Variants in NDUFA10 observed in about 807,000 individuals in gnomAD.
NDUFA10 encodes NADH:ubiquinone oxidoreductase subunit A10.
NDUFA10 carries 40 observed loss-of-function variants against 47.8 expected under a neutral mutation model. The ratio of observed to expected loss-of-function variants is 0.84; its 90% CI spans 0.65 to 1.09. NDUFA10 has a LOEUF of 1.09. NDUFA10 is among the 50% of genes least tolerant of loss of function. The probability of loss-of-function intolerance (pLI) is 0.00; values close to 1 mark genes in which losing one functional copy is unlikely to be tolerated. For synonymous variants in NDUFA10, 183 were observed against 172.2 expected (o/e 1.06, Z -0.49); for missense variants, 413 against 451.1 (o/e 0.92, Z 0.76).
chr2:239,989,942 A>AAAAG lies in NDUFA10; in HGVS notation c.999+128_999+131dup. On this transcript the variant is annotated intron_variant, in intron 9 of 9. Coordinates refer to ENST00000252711, the MANE Select transcript of NDUFA10 (RefSeq NM_004544.4). ...GGAAAAGGGAGAATTATTTCAATGA[A>AAAAG]AAAGAGGCTCCTTCACTAAAACAAA... The AAAAG allele has an allele frequency of 4.1e-6, 3 of 736,224 alleles. No homozygotes were observed. The South Asian group carries it at 4.4e-5, about 11-fold the overall frequency. 45.6% of individuals were successfully genotyped at this position (736,224 alleles called of 1,614,324 possible). A position where few individuals can be genotyped will look rare whatever the true frequency, so the allele number is the denominator to read the frequency against.
At chr2:239,993,984 T>C (rs4149546) in intron 8 of NDUFA10, among the ~76,000 whole-genome samples, 111,551 of 151,808 alleles carry the variant, frequency 0.73, 41,183 homozygotes, top group African/African-American at 0.79. Flanking sequence ...AGAGGTGAGA[T>C]GCCCCACACA....
chr2:239,953,074 T>A (rs1694583990), downstream of NDUFA10, among the ~76,000 whole-genome samples: 1 of 152,170 alleles, frequency 6.6e-6, no homozygotes, highest in Non-Finnish European at 1.5e-5. Context: ...GACAGCCGCA[T>A]CCTGATCCCC....
rs1259450473 is a variant in NDUFA10, at chr2:239,958,538, C to A, written c.*2580G>T. 6.6e-6 allele frequency: 1 copy of A among 152,226 alleles called. No individual in the cohort carries two copies. The highest frequency in any genetic ancestry group is 1.9e-4 in the East Asian group (1 of 5,186). 9.4% of individuals were successfully genotyped at this position (152,226 alleles called of 1,614,324 possible). A position where few individuals can be genotyped will look rare whatever the true frequency, so the allele number is the denominator to read the frequency against. ...GCCGCCTGTTTCCCTGCTGTTCTTGCCACAACACCTAGGCAGAACATGGAG... is the reference window on the plus strand; with the variant it reads ...GCCGCCTGTTTCCCTGCTGTTCTTGACACAACACCTAGGCAGAACATGGAG... On this transcript the variant is annotated 3_prime_UTR_variant, in exon 10 of 10. Coordinates refer to ENST00000252711, the MANE Select transcript of NDUFA10 (RefSeq NM_004544.4).
intron 4 of NDUFA10, among the ~76,000 whole-genome samples, chr2:239,939,458 G>A (rs561765969): frequency 9.2e-5 from 14 of 152,364 alleles, no homozygotes; most frequent in African/African-American, 2.9e-4. Flanking sequence ...GGCCACCCGC[G>A]TACTCCAACG....
At chr2:239,915,849 A>T (rs1015823727) in intron 4 of NDUFA10, among the ~76,000 whole-genome samples, 24 of 151,938 alleles carry the variant, frequency 1.6e-4, no homozygotes, top group Non-Finnish European at 2.4e-4. Flanking sequence ...GAACACACAC[A>T]TACACAGGCA....
chr2:239,997,534 G>A (rs73009342), intron 8 of NDUFA10, among the ~76,000 whole-genome samples: 6,444 of 152,166 alleles, frequency 0.042, 211 homozygotes, highest in Non-Finnish European at 0.065. Flanking sequence ...CACATATTCC[G>A]GAGAATCATT....
chr2:240,020,311 T>C (rs1697567811), intron 3 of NDUFA10, among the ~76,000 whole-genome samples: 1 of 152,152 alleles, frequency 6.6e-6, no homozygotes, highest in African/African-American at 2.4e-5. Context: ...CACTGCAATA[T>C]AAAACAGACA....
rs578168515 is a variant in NDUFA10, at chr2:239,945,266, G to A, written c.294+44808C>T. Among the ~76,000 whole-genome samples, 27 of 152,312 alleles carry A rather than the reference G, an allele frequency of 1.8e-4. No individual in the cohort carries two copies. The highest frequency in any genetic ancestry group is 5.8e-4 in the African/African-American group (24 of 41,558). ...GCTGGGCTCCTTCATTTGCACAACC[G>A]CAGCGGCAGCGCCATCATTCCTCCT... On this transcript the variant is annotated intron_variant, in intron 4 of 5. Coordinates refer to the NDUFA10 transcript ENST00000419408. This position sits in a 1 kb window ranked among gnomAD's most constrained non-coding sequence, Gnocchi z 4.6.
intron 9 of NDUFA10, among the ~76,000 whole-genome samples, chr2:239,961,449 A>C (rs1344691158): frequency 6.6e-6 from 1 of 152,166 alleles, no homozygotes; most frequent in African/African-American, 2.4e-5. Context: ...TGTTCTCATT[A>C]ATGTCAGGAG....
At chr2:239,986,307 A>G (rs1288034100) in intron 9 of NDUFA10, among the ~76,000 whole-genome samples, 1 of 152,164 alleles carries the variant, frequency 6.6e-6, no homozygotes, top group African/African-American at 2.4e-5. Context: ...GGGACTGGAG[A>G]ATGCCTGCCT....
intron 4 of NDUFA10, among the ~76,000 whole-genome samples, chr2:239,900,531 G>C (rs926937841): frequency 1.3e-5 from 2 of 151,186 alleles, no homozygotes; most frequent in Non-Finnish European, 2.9e-5. Context: ...AGCAAGCTCT[G>C]AGTAGGTAAC....
At chr2:239,914,239 CACACACACAGA>C (rs1693801490) in intron 4 of NDUFA10, among the ~76,000 whole-genome samples, 1 of 139,790 alleles carries the variant, frequency 7.2e-6, no homozygotes, top group Non-Finnish European at 1.5e-5. Context: ...CACAAACATA[CACACACACAGA>C]ACACACACAT....
rs201689088 is a variant in NDUFA10 at position 240,011,617 on chromosome 2, C to T, written c.749G>A (p.Ser250Asn). Residue 250 changes from serine to asparagine, a missense_variant and splice_region_variant, in exon 6 of 10, where the codon AGT (serine) becomes AAT (asparagine). Ser to Asn is a conservative substitution (Grantham distance 46). Transcript: ENST00000252711. ...AYKKTFLPEM[S>N]EKCEVLQYSA... is the part of the protein sequence containing the mutation. ...TAAATCAGTCGTGTGTTTGGCTCAC[C>T]TCATCTCAGGGAGAAAGGTTTTCTT... The T allele has an allele frequency of 6.8e-6, 11 of 1,609,242 alleles. No homozygotes were observed. Among genetic ancestry groups the T allele is most frequent in the East Asian group, 2.2e-5 (1 of 44,858 alleles).
intron 4 of NDUFA10, among the ~76,000 whole-genome samples, chr2:239,918,584 C>A (rs916845240): frequency 6.6e-6 from 1 of 152,202 alleles, no homozygotes; most frequent in Non-Finnish European, 1.5e-5. Flanking sequence ...AGTTCCCTCC[C>A]CTCCTGCAGT....
intron 4 of NDUFA10, among the ~76,000 whole-genome samples, chr2:239,933,123 C>T (rs11884244): frequency 0.43 from 65,209 of 151,874 alleles, 14,114 homozygotes; most frequent in East Asian, 0.47. Context: ...CAGGTCACAT[C>T]GGAGTGAGGG....
chr2:239,922,132 T>A (rs1694000694), intron 4 of NDUFA10, among the ~76,000 whole-genome samples: 1 of 147,780 alleles, frequency 6.8e-6, no homozygotes, highest in South Asian at 2.3e-4. Flanking sequence ...TTCCCCTCAA[T>A]TATAAGCAGT....
intron 4 of NDUFA10, among the ~76,000 whole-genome samples, chr2:239,931,985 A>G (rs2106373765): frequency 6.6e-6 from 1 of 151,986 alleles, no homozygotes; most frequent in African/African-American, 2.4e-5. Flanking sequence ...ACAGGCGCCC[A>G]TCACCACGCC....
At position 239,987,736 on chromosome 2, in the gene NDUFA10, G is replaced by T. The variant is rs116162357; in HGVS notation, c.999+2338C>A. On this transcript the variant is annotated intron_variant, in intron 9 of 9. Coordinates refer to ENST00000252711, the MANE Select transcript of NDUFA10 (RefSeq NM_004544.4). This position sits in a 1 kb window ranked among gnomAD's most constrained non-coding sequence, Gnocchi z 4.8. ...GGGAAGGGGTGGGCAGCCGTGGGGC[G>T]AATGCGCAGGCAGAGCTGCCGAGCA... Among the ~76,000 whole-genome samples, 12 of 152,300 alleles carry T rather than the reference G, an allele frequency of 7.9e-5. No individual in the cohort carries two copies. The highest frequency in any genetic ancestry group is 2.9e-4 in the African/African-American group (12 of 41,550).
intron 4 of NDUFA10, among the ~76,000 whole-genome samples, chr2:239,950,115 G>C (rs1694526546): frequency 6.6e-6 from 1 of 152,138 alleles, no homozygotes; most frequent in Non-Finnish European, 1.5e-5. Context: ...CCTCAGAGTG[G>C]GCTCACGAAG....
Sources: allele counts gnomAD v4.1 joint callset (sites outside exome capture counted in the v4.1 genomes callset), GRCh38; gene constraint gnomAD v4.1.1; non-coding constraint Gnocchi (gnomAD v3.1); transcripts MANE v1.5; gene names NCBI Gene and HGNC (gene_info 2026-07-23, HGNC 2026-07-21).